CLSTN2: variants seen among roughly 807,000 people sequenced by gnomAD.
CLSTN2 encodes calsyntenin-2.
In CLSTN2, 48 loss-of-function variants were observed where a neutral mutation model predicts 101.2. The observed-to-expected ratio is 0.47, with a 90% CI of 0.38 to 0.60. The LOEUF is 0.60. Ranked by LOEUF, CLSTN2 falls within the 20% of genes least tolerant of loss-of-function variation. The probability of loss-of-function intolerance (pLI) is 0.00; values close to 1 mark genes in which losing one functional copy is unlikely to be tolerated. For missense variants in CLSTN2, 1,160 were observed against 1,238.2 expected (o/e 0.94, Z 0.95); for synonymous variants, 481 against 463.6 (o/e 1.04, Z -0.48).
At chr3:140,127,404 A>C (rs767676310) in intron 1 of CLSTN2, among the ~76,000 whole-genome samples, 1 of 152,162 alleles carries the variant, frequency 6.6e-6, no homozygotes, top group Non-Finnish European at 1.5e-5. Context: ...GTACATAAGA[A>C]AGTCTTAATA....
At chr3:139,977,593 G>A (rs1463183736) in intron 1 of CLSTN2, among the ~76,000 whole-genome samples, 5 of 152,054 alleles carry the variant, frequency 3.3e-5, no homozygotes, top group Non-Finnish European at 7.4e-5. Flanking sequence ...CTGAGTCTGT[G>A]CCAGCACCAT....
In CLSTN2 at chr3:140,048,980, A is replaced by T. The variant is rs575797919; in HGVS notation, c.109+113497A>T. Among the ~76,000 whole-genome samples the T allele has an allele frequency of 8.6e-4, 131 of 152,256 alleles. 1 individual carries two copies. The South Asian group carries it at 0.012, about 14-fold the overall frequency. On this transcript the variant is annotated intron_variant, in intron 1 of 16. Transcript: ENST00000458420. ...GGCACTGCTCTAGGTGGCCCCAATG[A>T]GCACCTGTTTGTGCTGGTCTTTGCA...
At chr3:140,493,121 G>C (rs905532800) in intron 8 of CLSTN2, among the ~76,000 whole-genome samples, 2 of 152,308 alleles carry the variant, frequency 1.3e-5, no homozygotes, top group Admixed American at 6.5e-5. Flanking sequence ...AAACGTCTGG[G>C]AACATTATTG....
intron 1 of CLSTN2, among the ~76,000 whole-genome samples, chr3:140,049,578 G>A (rs1472959073): frequency 6.6e-6 from 1 of 152,182 alleles, no homozygotes; most frequent in African/African-American, 2.4e-5. Flanking sequence ...GCCAGGTGGG[G>A]TTGTCCATAG....
rs79601004 is a variant in CLSTN2, at chr3:140,260,667, C to T, written c.232+84594C>T. On this transcript the variant is annotated intron_variant, in intron 2 of 16. Transcript: ENST00000458420. ...GCATTAATTACAACTAATAATGATA[C>T]GCTATTATCAACTAACGTCTATAGT... Among the ~76,000 whole-genome samples the T allele has an allele frequency of 1.5e-3, 221 of 152,164 alleles. 1 individual carries two copies. The highest frequency in any genetic ancestry group is 5.0e-3 in the African/African-American group (207 of 41,538).
chr3:140,141,559 C>T (rs1384296697), intron 1 of CLSTN2, among the ~76,000 whole-genome samples: 1 of 152,206 alleles, frequency 6.6e-6, no homozygotes, highest in African/African-American at 2.4e-5. Context: ...CAGACAACCC[C>T]TTGGCCTGGC....
intron 8 of CLSTN2, among the ~76,000 whole-genome samples, chr3:140,468,568 T>C (rs184958211): frequency 6.6e-6 from 1 of 152,206 alleles, no homozygotes; most frequent in East Asian, 1.9e-4. Context: ...ATGCCTGCTC[T>C]GTGCTAGGCA....
At chr3:140,457,216 A>G (rs1311268609) in intron 6 of CLSTN2, among the ~76,000 whole-genome samples, 2 of 152,124 alleles carry the variant, frequency 1.3e-5, no homozygotes, top group East Asian at 3.9e-4. Flanking sequence ...GCCCTGCTAG[A>G]TCATATTGGT....
chr3:140,208,049 T>C (rs2010806480), intron 2 of CLSTN2, among the ~76,000 whole-genome samples: 1 of 152,288 alleles, frequency 6.6e-6, no homozygotes, highest in African/African-American at 2.4e-5. Context: ...TTTGCAAAAA[T>C]ATTTCTATTT....
intron 1 of CLSTN2, among the ~76,000 whole-genome samples, chr3:140,129,124 GC>G (rs922012172): frequency 6.6e-6 from 1 of 151,874 alleles, no homozygotes; most frequent in Non-Finnish European, 1.5e-5. Context: ...ATAGAGCTGA[GC>G]CCAGTTTAGT....
intron 5 of CLSTN2, among the ~76,000 whole-genome samples, chr3:140,442,374 C>T (rs963973190): frequency 6.6e-6 from 1 of 152,154 alleles, no homozygotes; most frequent in African/African-American, 2.4e-5. Context: ...TCTTAAAATG[C>T]TTGCCCTGCC....
intron 1 of CLSTN2, among the ~76,000 whole-genome samples, chr3:140,075,311 T>C (rs1433404608): frequency 6.6e-6 from 1 of 152,210 alleles, no homozygotes; most frequent in Non-Finnish European, 1.5e-5. Flanking sequence ...CTTAAGTCTC[T>C]GCATTTTCCT....
At chr3:140,556,366 T>C (rs1935790704) in intron 10 of CLSTN2, 147 bp from the exon 11 acceptor site, 2 of 718,644 alleles carry the variant, frequency 2.8e-6, no homozygotes, top group South Asian at 3.6e-5. Context: ...TTAAACACTA[T>C]CATTTGTACA....
At chr3:139,992,896 A>G (rs1023846626) in intron 1 of CLSTN2, among the ~76,000 whole-genome samples, 4 of 152,190 alleles carry the variant, frequency 2.6e-5, no homozygotes, top group Admixed American at 6.5e-5. Context: ...CCTGGAGACC[A>G]GACTACACTT....
chr3:140,259,834 T>A (rs2086635072), intron 2 of CLSTN2, among the ~76,000 whole-genome samples: 1 of 152,166 alleles, frequency 6.6e-6, no homozygotes, highest in African/African-American at 2.4e-5. Context: ...TAAGTAATAT[T>A]CCATTGTATG....
chr3:140,063,264 AG>A (rs1409805754), intron 1 of CLSTN2, among the ~76,000 whole-genome samples: 5 of 150,882 alleles, frequency 3.3e-5, no homozygotes, highest in Non-Finnish European at 7.4e-5. Flanking sequence ...CCTAAATTTT[AG>A]TACCCCCTGA....
intron 1 of CLSTN2, among the ~76,000 whole-genome samples, chr3:140,058,703 C>G (rs2008142485): frequency 6.6e-6 from 1 of 150,844 alleles, no homozygotes; most frequent in Admixed American, 6.6e-5. Context: ...GGGAGATATG[C>G]AAAATTTTGT....
chr3:139,953,717 G>T (rs1935334879), intron 1 of CLSTN2, among the ~76,000 whole-genome samples: 1 of 152,194 alleles, frequency 6.6e-6, no homozygotes, highest in African/African-American at 2.4e-5. Flanking sequence ...ATCTCCAAGA[G>T]GATTAAGCTC....
rs347973 is a variant in CLSTN2, at chr3:140,573,694, G to A, written c.*7441G>A. On this transcript the variant is annotated 3_prime_UTR_variant, in exon 17 of 17. Coordinates refer to ENST00000458420, the MANE Select transcript of CLSTN2 (RefSeq NM_022131.3). ...TTTGGGGTGGAAGGACAGAAGAGTA[G>A]CAGTCTAGGAAAGGGACTAGACATG... 73,816 of 152,162 alleles carry A rather than the reference G, an allele frequency of 0.49. 22,068 individuals carry two copies. The highest frequency in any genetic ancestry group is 0.82 in the African/African-American group (33,877 of 41,500). The allele number at this position is 152,162 out of a possible 1,614,324, so 9.4% of individuals were successfully genotyped here. A position where few individuals can be genotyped will look rare whatever the true frequency, so the allele number is the denominator to read the frequency against.
Sources: allele counts gnomAD v4.1 joint callset (sites outside exome capture counted in the v4.1 genomes callset), GRCh38; gene constraint gnomAD v4.1.1; transcripts MANE v1.5; gene names NCBI Gene and HGNC (gene_info 2026-07-23, HGNC 2026-07-21).